Variants in NR4A1 observed in about 807,000 individuals in gnomAD.
The protein encoded by NR4A1 is nuclear receptor subfamily 4 group A member 1.
A neutral mutation model predicts 47.5 loss-of-function variants in NR4A1; 24 were observed. The observed-to-expected ratio is 0.50, with a 90% CI of 0.37 to 0.71. The LOEUF is 0.71. Ranked by LOEUF, NR4A1 falls within the 30% of genes least tolerant of loss-of-function variation. NR4A1 has a pLI of 0.00. For synonymous variants in NR4A1, 353 were observed against 345.7 expected, an observed-to-expected ratio of 1.02 and a Z score of -0.24; for missense variants, 669 against 788.6, an observed-to-expected ratio of 0.85 and a Z score of 1.82.
chr12:52,040,066 T>C (rs1337432684), intron 1 of NR4A1, among the ~76,000 whole-genome samples: 1 of 152,226 alleles, frequency 6.6e-6, no homozygotes, highest in African/African-American at 2.4e-5. Flanking sequence ...GTTTGCTCTC[T>C]GCACAGTGCA....
intron 1 of NR4A1, chr12:52,037,309 G>C (rs1938270872): frequency 1.1e-6 from 1 of 940,984 alleles, no homozygotes. Context: ...CGGAACTGGC[G>C]GGGGTCCCCT....
intron 1 of NR4A1, chr12:52,038,683 C>G (rs1289188788): frequency 1.3e-6 from 1 of 762,894 alleles, no homozygotes; most frequent in Non-Finnish European, 2.4e-6. Flanking sequence ...TCAGCTGACT[C>G]CGTGTAGTCA....
chr12:52,056,904 T>A, intron 4 of NR4A1, 153 bp from the exon 5 acceptor site: 1 of 843,764 alleles, frequency 1.2e-6, no homozygotes, highest in Non-Finnish European at 1.8e-6. Context: ...AGCCCTGGGT[T>A]AATATGTGAG....
At chr12:52,041,046 G>T (rs2120974726) in intron 1 of NR4A1, among the ~76,000 whole-genome samples, 1 of 152,272 alleles carries the variant, frequency 6.6e-6, no homozygotes, top group African/African-American at 2.4e-5. Context: ...GGAAGGAGAG[G>T]CCAGGTGCCC....
chr12:52,051,647 G>A (rs1260906706), intron 1 of NR4A1, 79 bp downstream of exon 1: 1 of 914,584 alleles, frequency 1.1e-6, no homozygotes, highest in African/African-American at 1.8e-5. Context: ...GGGCAGAGAG[G>A]ATGTTGTAGG....
Position 52,058,843 on chromosome 12 carries a change from T to G in NR4A1, c.1696T>G (p.Cys566Gly). ...LGKLPELRTL[C>G]TQGLQRIFYL... ...CAAACTGCCCGAGCTGCGGACCCTG[T>G]GCACCCAGGGCCTGCAGCGCATCTT... Residue 566 changes from cysteine to glycine, a missense_variant, in exon 7 of 7, where the codon TGC (cysteine) becomes GGC (glycine). Physicochemically the swap from Cys to Gly is radical, Grantham distance 159. Transcript: ENST00000394825. 3 of 1,614,056 alleles carry G rather than the reference T, an allele frequency of 1.9e-6. No homozygotes were observed. The South Asian group carries it at 3.3e-5, about 18-fold the overall frequency.
At chr12:52,031,794 T>A (rs1325831451) in intron 1 of NR4A1, among the ~76,000 whole-genome samples, 4 of 150,642 alleles carry the variant, frequency 2.7e-5, no homozygotes, top group East Asian at 3.9e-4. Context: ...TTTTTTTTTT[T>A]TTTGAGACGG....
At position 52,058,990 on chromosome 12, in the gene NR4A1, C is replaced by T; in HGVS notation, c.*46C>T. On this transcript the variant is annotated 3_prime_UTR_variant, in exon 7 of 7. Coordinates refer to ENST00000394825, the MANE Select transcript of NR4A1 (RefSeq NM_173157.3). The stretch of plus-strand genomic sequence containing the variant: ...TGCACATGCGCACTCTCATATGCCA[C>T]CCCATGTGCCTTTAGTCCACGGACC... The T allele has an allele frequency of 6.4e-7, 1 of 1,567,866 alleles. No individual in the cohort carries two copies. Among genetic ancestry groups the T allele is most frequent in the Non-Finnish European group, 8.7e-7 (1 of 1,150,652 alleles).
upstream of NR4A1, among the ~76,000 whole-genome samples, chr12:52,047,160 C>A (rs1478764813): frequency 6.6e-6 from 1 of 152,196 alleles, no homozygotes; most frequent in Non-Finnish European, 1.5e-5. Flanking sequence ...ATTACCTGTT[C>A]CCTCCTACCC....
chr12:52,035,502 G>A (rs535245233), intron 1 of NR4A1, among the ~76,000 whole-genome samples: 137 of 152,126 alleles, frequency 9.0e-4, no homozygotes, highest in Non-Finnish European at 1.4e-3. Context: ...AGGGGGTGGG[G>A]TAGCTGCTCC....
At position 52,037,576 on chromosome 12, in the gene NR4A1, A is replaced by G. The variant is rs1272720321; in HGVS notation, c.-83-4234A>G. The G allele has an allele frequency of 1.7e-4, 162 of 964,632 alleles. No homozygotes were observed. The African/African-American group carries it at 2.8e-3, about 16-fold the overall frequency. 59.8% of individuals were successfully genotyped at this position (964,632 alleles called of 1,614,324 possible). On this transcript the variant is annotated intron_variant, in intron 1 of 7. Transcript: ENST00000360284. The stretch of plus-strand genomic sequence containing the variant: ...TGGAAACTGGGGAGTCGGGGGGGGG[A>G]CTGGATTCCCAGCGGAACCGCTGGC...
intron 1 of NR4A1, among the ~76,000 whole-genome samples, chr12:52,039,258 A>G (rs1053103481): frequency 1.3e-5 from 2 of 152,216 alleles, no homozygotes; most frequent in African/African-American, 4.8e-5. Context: ...TAATAGTAAT[A>G]TGCCCACTTC....
intron 1 of NR4A1, among the ~76,000 whole-genome samples, chr12:52,033,602 G>A (rs1938176991): frequency 6.6e-6 from 1 of 152,202 alleles, no homozygotes; most frequent in South Asian, 2.1e-4. Context: ...AAACGTGGAA[G>A]TGCTTCGAAA....
In NR4A1 at chr12:52,043,826, GC is replaced by G. The variant is rs745671428; in HGVS notation, c.37+1902del. On this transcript the variant is annotated intron_variant, in intron 2 of 7. Coordinates refer to the NR4A1 transcript ENST00000360284. Reference sequence around the variant, plus strand: ...GGGCTCCCTGAGACCACCAGGAAGAGCCCCCAACCAATCTTGGGATTCTCCC... The same window carrying G: ...GGGCTCCCTGAGACCACCAGGAAGAGCCCCAACCAATCTTGGGATTCTCCC... The G allele has an allele frequency of 3.1e-6, 4 of 1,288,788 alleles. No homozygotes were observed. In the South Asian group the frequency reaches 3.7e-5, roughly 12 times the overall value. The allele number at this position is 1,288,788 out of a possible 1,614,324, so 79.8% of individuals were successfully genotyped here. A position where few individuals can be genotyped will look rare whatever the true frequency, so the allele number is the denominator to read the frequency against.
rs759065224 is a variant in NR4A1, at chr12:52,055,121, G to T, written c.793G>T (p.Gly265Cys). 2 of 1,614,192 alleles carry T rather than the reference G, an allele frequency of 1.2e-6. No individual in the cohort carries two copies. The highest frequency in any genetic ancestry group is 4.5e-5 in the East Asian group (2 of 44,890). ...ARSGAPGGSE[G>C]RCAVCGDNAS... is the part of the protein sequence containing the mutation. ...GAGCGGGGCCCCAGGTGGAAGTGAA[G>T]GCCGCTGTGCTGTGTGTGGGGACAA... is the stretch of plus-strand genomic sequence containing the variant. Residue 265 changes from glycine to cysteine, a missense_variant, in exon 2 of 7, where the codon GGC becomes TGC. Gly to Cys is a radical substitution (Grantham distance 159, BLOSUM62 -3). Transcript: ENST00000394825.
At position 52,054,591 on chromosome 12, in the gene NR4A1, C is replaced by T. The variant is rs376212700; in HGVS notation, c.263C>T (p.Thr88Ile). The change falls in exon 2 of 7, where the codon ACA (threonine) becomes ATA (isoleucine). Residue 88 changes from threonine to isoleucine, a missense_variant. Coordinates refer to ENST00000394825, the MANE Select transcript of NR4A1 (RefSeq NM_173157.3). ...CSSASSSASS[T>I]SSSSATSPAS... is the part of the protein sequence containing the mutation. The stretch of plus-strand genomic sequence containing the variant: ...TCAGCCTCCTCCTCGGCCTCCTCCA[C>T]ATCCTCGTCCTCAGCCACCTCCCCT... The T allele has an allele frequency of 7.6e-5, 123 of 1,614,058 alleles. No homozygotes were observed. Among genetic ancestry groups the T allele is most frequent in the Non-Finnish European group, 9.4e-5 (111 of 1,180,026 alleles).
chr12:52,054,042 T>A (rs1265139319), intron 1 of NR4A1: 3 of 445,698 alleles, frequency 6.7e-6, no homozygotes, highest in African/African-American at 6.0e-5. Flanking sequence ...AAATGCTGGC[T>A]GTATGCCTCC....
chr12:52,050,986 A>G (rs920367853), upstream of NR4A1, among the ~76,000 whole-genome samples: 2 of 152,088 alleles, frequency 1.3e-5, no homozygotes, highest in South Asian at 2.1e-4. Flanking sequence ...CCCGGGAGCA[A>G]CTGGAGAGTG....
intron 1 of NR4A1, 73 bp from the exon 2 acceptor site, chr12:52,054,254 A>G (rs918959380): frequency 1.2e-5 from 16 of 1,343,372 alleles, no homozygotes; most frequent in South Asian, 1.4e-5. Flanking sequence ...TGGGGCCCAA[A>G]TACTTTGAGA....
Sources: allele counts gnomAD v4.1 joint callset (sites outside exome capture counted in the v4.1 genomes callset), GRCh38; gene constraint gnomAD v4.1.1; transcripts MANE v1.5; gene names NCBI Gene and HGNC (gene_info 2026-07-23, HGNC 2026-07-21).